Variants in RUVBL2 observed in about 807,000 individuals in gnomAD.
RUVBL2 encodes the protein RuvB like AAA ATPase 2.
In RUVBL2, 9 loss-of-function variants were observed where a neutral mutation model predicts 57.9. The observed-to-expected ratio is 0.16, with a 90% CI of 0.09 to 0.27. The LOEUF (loss-of-function observed/expected upper bound fraction) is 0.27, where lower values mean the gene tolerates loss of function less well. Ranked by LOEUF, RUVBL2 falls within the 10% of genes least tolerant of loss-of-function variation. RUVBL2 has a pLI of 1.00. For missense variants in RUVBL2, 456 were observed against 669.6 expected, an observed-to-expected ratio of 0.68 and a Z score of 3.52; for synonymous variants, 278 against 264.6, an observed-to-expected ratio of 1.05 and a Z score of -0.49.
chr19:49,015,497 G>A, intron 13 of RUVBL2, 75 bp from the exon 14 acceptor site: 1 of 1,106,666 alleles, frequency 9.0e-7, no homozygotes, highest in Non-Finnish European at 1.4e-6. Context: ...AGAGCATGGA[G>A]GTGGCATACG....
chr19:49,012,776 G>A (rs117737765), intron 11 of RUVBL2, among the ~76,000 whole-genome samples: 1 of 152,008 alleles, frequency 6.6e-6, no homozygotes, highest in Non-Finnish European at 1.5e-5. Context: ...TTGAGACAGG[G>A]TCTTGCTCTG....
chr19:49,014,155 C>A (rs543890339), intron 11 of RUVBL2, among the ~76,000 whole-genome samples: 29 of 152,356 alleles, frequency 1.9e-4, no homozygotes, highest in Non-Finnish European at 3.4e-4. Context: ...GCTGGCCCCG[C>A]TGCAGCAGGG....
intron 1 of RUVBL2, among the ~76,000 whole-genome samples, chr19:48,995,947 A>G (rs920893031): frequency 7.9e-5 from 12 of 150,974 alleles, no homozygotes; most frequent in Non-Finnish European, 1.5e-4. Context: ...AGATCGCGCC[A>G]CTGCACTCCA....
At chr19:49,004,156 T>C in intron 3 of RUVBL2, 121 bp from the exon 4 acceptor site, 2 of 1,377,030 alleles carry the variant, frequency 1.5e-6, no homozygotes, top group South Asian at 2.6e-5. Flanking sequence ...GAAAGCTTTT[T>C]TGGCTTTTCC....
chr19:49,005,920 G>A (rs999440967), intron 4 of RUVBL2, among the ~76,000 whole-genome samples: 5 of 152,216 alleles, frequency 3.3e-5, no homozygotes, highest in South Asian at 2.1e-4. Context: ...GATTACAGGC[G>A]GGAGCCTGTA....
Position 49,010,473 on chromosome 19 carries a change from ACCCCCG to A in RUVBL2, c.664-10_664-5del. 6 of 753,622 alleles carry A rather than the reference ACCCCCG, an allele frequency of 8.0e-6. No individual in the cohort carries two copies. Among genetic ancestry groups the A allele is most frequent in the Non-Finnish European group, 1.2e-5 (6 of 502,822 alleles). The allele number at this position is 753,622 out of a possible 1,614,324, so 46.7% of individuals were successfully genotyped here. ...GCCCTGTCTCCGCCGTTCTTCCCCC[ACCCCCG>A]CCCCATAGACCAAGTTCGTGCAGTG... On this transcript the variant is annotated splice_polypyrimidine_tract_variant and intron_variant, in intron 8 of 14. Coordinates refer to ENST00000595090, the MANE Select transcript of RUVBL2 (RefSeq NM_006666.3).
chr19:49,015,830 G>T lies in RUVBL2; in HGVS notation c.1380G>T (p.Met460Ile). 1 of 1,614,134 alleles carries T rather than the reference G, an allele frequency of 6.2e-7. No homozygotes were observed. Among genetic ancestry groups the T allele is most frequent in the Non-Finnish European group, 8.5e-7 (1 of 1,180,006 alleles). ...FLFNELKGET[M>I]DTS ...TTCTCCCCACAGAAGGCGAGACCATGGACACCTCCTGAGTTGGATGTCATC... is the reference window on the plus strand; with the variant it reads ...TTCTCCCCACAGAAGGCGAGACCATTGACACCTCCTGAGTTGGATGTCATC... The change falls in exon 15 of 15, where the codon ATG becomes ATT. Residue 460 changes from methionine (M) to isoleucine (I), a missense_variant. Transcript: ENST00000595090.
chr19:48,993,829 A>C, upstream of RUVBL2: 1 of 1,553,116 alleles, frequency 6.4e-7, no homozygotes, highest in South Asian at 1.1e-5. Flanking sequence ...ATCTTTGAAG[A>C]ACCAGCTAGC....
intron 2 of RUVBL2, among the ~76,000 whole-genome samples, chr19:48,999,720 C>G (rs1317140794): frequency 1.3e-5 from 2 of 152,132 alleles, no homozygotes; most frequent in Non-Finnish European, 2.9e-5. Context: ...GGGACGAGGT[C>G]GTGTCATTCC....
At chr19:49,012,879 A>ACACACACACACACG (rs1406449184) in intron 11 of RUVBL2, among the ~76,000 whole-genome samples, 43 of 150,560 alleles carry the variant, frequency 2.9e-4, no homozygotes, top group African/African-American at 9.7e-4. Context: ...ACACACACAC[A>ACACACACACACACG]CACACCACCC....
chr19:49,004,152 T>C, intron 3 of RUVBL2, 125 bp from the exon 4 acceptor site: 1 of 1,140,900 alleles, frequency 8.8e-7, no homozygotes, highest in Non-Finnish European at 1.2e-6. Context: ...CAGGGAAAGC[T>C]TTTTTGGCTT....
At chr19:49,010,638 C>T (rs1216290245) in intron 9 of RUVBL2, 27 bp downstream of exon 9, 2 of 1,612,114 alleles carry the variant, frequency 1.2e-6, no homozygotes, top group Admixed American at 1.7e-5. Flanking sequence ...CCTGCCCTGC[C>T]CTGCCCTGCC....
rs1320356237 is a variant in RUVBL2 at position 49,009,958 on chromosome 19, C to A, written c.570-15C>A. ...GCCCATTCCTTTCCTTACCCTACCC[C>A]CCATCCCCCTGTAGGGACGTGATCA... On this transcript the variant is annotated splice_polypyrimidine_tract_variant and intron_variant, in intron 7 of 14. Coordinates refer to ENST00000595090, the MANE Select transcript of RUVBL2 (RefSeq NM_006666.3). The A allele has an allele frequency of 6.2e-7, 1 of 1,608,244 alleles. No individual in the cohort carries two copies. The highest frequency in any genetic ancestry group is 1.7e-5 in the Admixed American group (1 of 59,714).
At chr19:49,001,755 C>T (rs1331872170) in intron 2 of RUVBL2, among the ~76,000 whole-genome samples, 24 of 151,814 alleles carry the variant, frequency 1.6e-4, no homozygotes, top group Admixed American at 5.9e-4. Flanking sequence ...GGACTACAGG[C>T]GCCTGACACC....
At chr19:49,004,115 CA>C (rs74182026) in intron 3 of RUVBL2, 161 bp from the exon 4 acceptor site, 31,714 of 284,194 alleles carry the variant, frequency 0.11, 3 homozygotes, top group East Asian at 0.14. Flanking sequence ...GATCTTGTCT[CA>C]AAAAAAAAAA....
At position 49,014,462 on chromosome 19, in the gene RUVBL2, CCT is replaced by C. The variant is rs1369460049; in HGVS notation, c.1002-19_1002-18del. The C allele has an allele frequency of 3.6e-5, 58 of 1,609,786 alleles. No homozygotes were observed. The highest frequency in any genetic ancestry group is 4.8e-5 in the Non-Finnish European group (56 of 1,177,294). On this transcript the variant is annotated intron_variant, in intron 11 of 14. Transcript: ENST00000595090. ...AGAGGGAACATGCCCCTGACAGCCC[CCT>C]CTTTCTGCCTCTTCCTCAGAATCCG...
chr19:49,004,115 CAAAAAAAAAA>C (rs74182026), intron 3 of RUVBL2, 152 bp from the exon 4 acceptor site: 5 of 290,918 alleles, frequency 1.7e-5, no homozygotes, highest in African/African-American at 1.7e-4. Flanking sequence ...GATCTTGTCT[CAAAAAAAAAA>C]AAAAAAAAAA....
intron 3 of RUVBL2, 98 bp downstream of exon 3, chr19:49,003,432 T>C: frequency 9.1e-7 from 1 of 1,102,348 alleles, no homozygotes; most frequent in African/African-American, 1.6e-5. Context: ...TGTTACGGTC[T>C]TCTGGACCTT....
intron 1 of RUVBL2, among the ~76,000 whole-genome samples, chr19:48,997,628 C>CAA (rs34730869): frequency 9.2e-5 from 10 of 108,710 alleles, no homozygotes; most frequent in South Asian, 3.5e-4. Flanking sequence ...GACTATGTCT[C>CAA]AAAAAAAAAA....
Sources: allele counts gnomAD v4.1 joint callset (sites outside exome capture counted in the v4.1 genomes callset), GRCh38; gene constraint gnomAD v4.1.1; transcripts MANE v1.5; gene names NCBI Gene and HGNC (gene_info 2026-07-23, HGNC 2026-07-21).